The following SLC24A2 variants were observed in gnomAD, a reference collection of about 807,000 sequenced individuals.
SLC24A2 encodes the protein solute carrier family 24 member 2, also known as sodium/potassium/calcium exchanger 2.
A neutral mutation model predicts 62.0 loss-of-function variants in SLC24A2; 36 were observed. That is an observed-to-expected ratio of 0.58 (90% CI 0.44 to 0.77). SLC24A2 has a LOEUF of 0.77. Among genes scored for constraint, SLC24A2 ranks in the 30% least tolerant of loss-of-function variants. SLC24A2 has a pLI of 0.00. For missense variants in SLC24A2, 846 were observed against 817.9 expected (o/e 1.03, Z -0.42); for synonymous variants, 358 against 294.0 (o/e 1.22, Z -2.23).
intron 2 of SLC24A2, among the ~76,000 whole-genome samples, chr9:19,748,067 T>C (rs1191479867): frequency 6.6e-6 from 1 of 152,170 alleles, no homozygotes; most frequent in Admixed American, 6.5e-5. Flanking sequence ...TATTTGCTGG[T>C]TCTGCAAAAT....
chr9:19,968,062 C>A, the SLC24A2 span: 3 of 152,084 alleles, frequency 2.0e-5, no homozygotes, highest in Non-Finnish European at 4.4e-5. Context: ...TCTTGGTTTC[C>A]CCACCTATAA....
intron 4 of SLC24A2, among the ~76,000 whole-genome samples, chr9:19,601,478 T>C (rs931325705): frequency 3.3e-5 from 5 of 152,208 alleles, no homozygotes; most frequent in Non-Finnish European, 7.3e-5. Context: ...TTTGGGTCCA[T>C]GCCATCTTTA....
At chr9:20,197,857 G>A in the SLC24A2 span, among the ~76,000 whole-genome samples, 1 of 152,120 alleles carries the variant, frequency 6.6e-6, no homozygotes, top group African/African-American at 2.4e-5. Context: ...TCATTTCTCA[G>A]GTTAGACCAA....
the SLC24A2 span, among the ~76,000 whole-genome samples, chr9:20,257,340 G>A: frequency 2.4e-4 from 37 of 152,224 alleles, no homozygotes; most frequent in African/African-American, 8.9e-4. Flanking sequence ...AAACATCAAG[G>A]TCCTGAGTTA....
chr9:19,542,393 A>C (rs1834316182), intron 8 of SLC24A2, among the ~76,000 whole-genome samples: 1 of 152,184 alleles, frequency 6.6e-6, no homozygotes, highest in South Asian at 2.1e-4. Flanking sequence ...AAACAGAGAC[A>C]ATTTGACTTC....
chr9:19,951,813 C>T, the SLC24A2 span, among the ~76,000 whole-genome samples: 18 of 152,206 alleles, frequency 1.2e-4, no homozygotes, highest in South Asian at 2.1e-4. Context: ...TGATTATTCT[C>T]GTTCCTTTAC....
At chr9:19,976,697 G>C in the SLC24A2 span, among the ~76,000 whole-genome samples, 125 of 152,292 alleles carry the variant, frequency 8.2e-4, no homozygotes, top group Admixed American at 2.4e-3. Flanking sequence ...TATGCAAATA[G>C]TCCACCATTT....
At chr9:19,854,158 A>G in the SLC24A2 span, among the ~76,000 whole-genome samples, 1 of 151,908 alleles carries the variant, frequency 6.6e-6, no homozygotes, top group Admixed American at 6.6e-5. Flanking sequence ...CTTTTTTATC[A>G]TTTATTATTG....
At chr9:19,589,551 C>T (rs773018129) in intron 5 of SLC24A2, among the ~76,000 whole-genome samples, 2 of 152,152 alleles carry the variant, frequency 1.3e-5, no homozygotes, top group Non-Finnish European at 2.9e-5. Context: ...CTGTGGTAAA[C>T]GTTTGGATTT....
the SLC24A2 span, among the ~76,000 whole-genome samples, chr9:20,105,606 C>A: frequency 7.2e-5 from 11 of 151,970 alleles, no homozygotes; most frequent in Admixed American, 5.9e-4. Flanking sequence ...CTACTGGGTA[C>A]ATAATGAAAT....
chr9:19,853,212 A>C, the SLC24A2 span, among the ~76,000 whole-genome samples: 1 of 152,196 alleles, frequency 6.6e-6, no homozygotes, highest in Non-Finnish European at 1.5e-5. Flanking sequence ...TTTTGGGCTG[A>C]GATGATGGGG....
chr9:19,991,035 C>CACATACAT, the SLC24A2 span, among the ~76,000 whole-genome samples: 7 of 146,924 alleles, frequency 4.8e-5, no homozygotes, highest in Admixed American at 2.7e-4. Context: ...CATATATACA[C>CACATACAT]ACATACATAC....
At chr9:19,565,154 A>G (rs1835594949) in intron 7 of SLC24A2, among the ~76,000 whole-genome samples, 1 of 152,116 alleles carries the variant, frequency 6.6e-6, no homozygotes, top group Non-Finnish European at 1.5e-5. Context: ...TTCAATTAGG[A>G]AAAGAGGAAG....
the SLC24A2 span, among the ~76,000 whole-genome samples, chr9:19,851,654 G>C: frequency 6.6e-6 from 1 of 152,110 alleles, no homozygotes; most frequent in East Asian, 1.9e-4. Flanking sequence ...CAAAGGACAT[G>C]ATCTCATTCC....
the SLC24A2 span, among the ~76,000 whole-genome samples, chr9:20,275,087 A>C: frequency 0.14 from 21,904 of 151,900 alleles, 1,869 homozygotes; most frequent in African/African-American, 0.23. Flanking sequence ...GAAGAGATGA[A>C]CACAGCCAGT....
the SLC24A2 span, among the ~76,000 whole-genome samples, chr9:20,181,078 T>C: frequency 1.3e-5 from 2 of 152,098 alleles, no homozygotes; most frequent in Admixed American, 6.5e-5. Context: ...GAAAAATTCT[T>C]GGCATTCGAG....
intron 8 of SLC24A2, among the ~76,000 whole-genome samples, chr9:19,547,160 G>C (rs1157769851): frequency 6.6e-6 from 1 of 152,094 alleles, no homozygotes; most frequent in Non-Finnish European, 1.5e-5. Context: ...ATAAATATTT[G>C]TGAAGGAAGT....
the SLC24A2 span, among the ~76,000 whole-genome samples, chr9:19,950,985 C>T: frequency 6.6e-6 from 1 of 152,118 alleles, no homozygotes; most frequent in Non-Finnish European, 1.5e-5. Context: ...CATCTGACAT[C>T]AAAGGTTCTA....
chr9:19,644,776 C>T (rs1818595913), intron 2 of SLC24A2, among the ~76,000 whole-genome samples: 1 of 151,794 alleles, frequency 6.6e-6, no homozygotes, highest in Non-Finnish European at 1.5e-5. Flanking sequence ...CTAATGAATA[C>T]TTGTAAATAT....
Sources: gnomAD v4.1 joint callset for allele counts (sites outside exome capture counted in the v4.1 genomes callset) on GRCh38, gnomAD v4.1.1 for gene constraint, MANE v1.5 for transcripts, NCBI Gene and HGNC (gene_info 2026-07-23, HGNC 2026-07-21) for gene names.